The following PCDHGB1 variants were observed in gnomAD, a reference collection of about 807,000 sequenced individuals.
The protein encoded by PCDHGB1 is protocadherin gamma-B1.
PCDHGB1 carries 34 observed loss-of-function variants against 56.6 expected under a neutral mutation model. That is an observed-to-expected ratio of 0.60 (90% confidence interval 0.46 to 0.80). The LOEUF (loss-of-function observed/expected upper bound fraction) is 0.80, where lower values mean the gene tolerates loss of function less well. PCDHGB1 is among the 30% of genes least tolerant of loss of function. The probability of loss-of-function intolerance (pLI) is 0.00; values close to 1 mark genes in which losing one functional copy is unlikely to be tolerated. For missense variants in PCDHGB1, 1,278 were observed against 1,204.6 expected, an observed-to-expected ratio of 1.06 and a Z score of -0.90; for synonymous variants, 561 against 505.9, an observed-to-expected ratio of 1.11 and a Z score of -1.46.
chr5:141,361,581 C>T (rs1306719531), intron 1 of PCDHGB1: 2 of 1,614,056 alleles, frequency 1.2e-6, no homozygotes, highest in South Asian at 1.1e-5. Flanking sequence ...CTGACTTGGG[C>T]CCCAGTGGCC....
intron 1 of PCDHGB1, chr5:141,377,280 A>G (rs1773849718): frequency 6.6e-6 from 1 of 151,152 alleles, no homozygotes; most frequent in Non-Finnish European, 1.5e-5. Context: ...GGGAAAAAAA[A>G]TAACCTTAAT....
At chr5:141,383,665 C>T (rs1779352748) in intron 1 of PCDHGB1, 2 of 1,613,970 alleles carry the variant, frequency 1.2e-6, no homozygotes, top group Non-Finnish European at 1.7e-6. Flanking sequence ...CGAGAATGTG[C>T]CAGTGGGTAC....
chr5:141,430,632 C>T, intron 1 of PCDHGB1: 1 of 852,604 alleles, frequency 1.2e-6, no homozygotes, highest in Non-Finnish European at 1.7e-6. Flanking sequence ...AATGAACCAT[C>T]CCTGGGAGTA....
At chr5:141,411,134 G>A (rs1050594380) in intron 1 of PCDHGB1, 1 of 152,434 alleles carries the variant, frequency 6.6e-6, no homozygotes, top group Non-Finnish European at 1.5e-5. Context: ...ACAGGCGTGA[G>A]CCACAATATT....
intron 1 of PCDHGB1, chr5:141,375,745 C>T (rs753247365): frequency 2.5e-6 from 4 of 1,614,238 alleles, no homozygotes; most frequent in Admixed American, 3.3e-5. Context: ...TTGTGCTGGA[C>T]CAGAATGACA....
At chr5:141,354,926 CT>C (rs35040373) in intron 1 of PCDHGB1, 7 of 415,344 alleles carry the variant, frequency 1.7e-5, no homozygotes, top group South Asian at 1.1e-4. Flanking sequence ...AAAAAATAAA[CT>C]TTTTTTAACC....
intron 3 of PCDHGB1, among the ~76,000 whole-genome samples, chr5:141,509,450 C>A (rs2099876883): frequency 6.6e-6 from 1 of 152,128 alleles, no homozygotes; most frequent in Non-Finnish European, 1.5e-5. Context: ...CCTCTCCCAC[C>A]CCCGACCCAG....
chr5:141,366,550 T>C (rs780049739), intron 1 of PCDHGB1: 5 of 1,614,136 alleles, frequency 3.1e-6, no homozygotes, highest in African/African-American at 2.7e-5. Flanking sequence ...CCTCGCACTT[T>C]GTGGGCGTGG....
intron 1 of PCDHGB1, chr5:141,393,900 G>A (rs1048161107): frequency 3.7e-6 from 6 of 1,613,906 alleles, no homozygotes; most frequent in South Asian, 1.1e-5. Flanking sequence ...TTCTCTTCCC[G>A]GGACAGTAAT....
At chr5:141,361,587 T>A in intron 1 of PCDHGB1, 1 of 1,614,028 alleles carries the variant, frequency 6.2e-7, no homozygotes, top group Non-Finnish European at 8.5e-7. Context: ...TGGGCCCCAG[T>A]GGCCAAGTTT....
intron 1 of PCDHGB1, among the ~76,000 whole-genome samples, chr5:141,494,529 G>C (rs952931724): frequency 1.3e-5 from 2 of 152,132 alleles, no homozygotes; most frequent in African/African-American, 4.8e-5. Flanking sequence ...TCTGACTCTG[G>C]GGGCAGGGAG....
chr5:141,391,906 T>C (rs2092441756), intron 1 of PCDHGB1: 2 of 152,218 alleles, frequency 1.3e-5, no homozygotes, highest in Non-Finnish European at 2.9e-5. Flanking sequence ...GCTTTGCTTT[T>C]TATCATATAT....
intron 1 of PCDHGB1, chr5:141,367,404 G>C (rs919849034): frequency 1.3e-5 from 2 of 152,244 alleles, no homozygotes; most frequent in African/African-American, 4.8e-5. Flanking sequence ...GGGCGTGGTG[G>C]CAGGCGCCTG....
chr5:141,356,299 G>C (rs1226901970), intron 1 of PCDHGB1: 9 of 1,554,702 alleles, frequency 5.8e-6, no homozygotes, highest in Non-Finnish European at 7.0e-6. Flanking sequence ...TACAGTAATT[G>C]CACTTTTCAA....
intron 1 of PCDHGB1, chr5:141,423,830 G>A (rs527344048): frequency 5.5e-6 from 7 of 1,273,204 alleles, no homozygotes; most frequent in African/African-American, 3.1e-5. Flanking sequence ...CCTTTCATGA[G>A]ATTACGATAA....
chr5:141,458,694 C>T (rs905547768), intron 1 of PCDHGB1, among the ~76,000 whole-genome samples: 3 of 152,018 alleles, frequency 2.0e-5, no homozygotes, highest in Non-Finnish European at 2.9e-5. Flanking sequence ...CTCAGCCTCC[C>T]GAGTAGCTGG....
chr5:141,387,761 A>C lies in PCDHGB1; in HGVS notation c.2409+35092A>C, dbSNP rs539874780. The C allele has an allele frequency of 9.8e-5, 139 of 1,420,618 alleles. 1 individual carries two copies. The African/African-American group carries it at 1.7e-3, about 17-fold the overall frequency. The allele number at this position is 1,420,618 out of a possible 1,614,324, so 88.0% of individuals were successfully genotyped here. A position where few individuals can be genotyped will look rare whatever the true frequency, so the allele number is the denominator to read the frequency against. On this transcript the variant is annotated intron_variant, in intron 1 of 3. Transcript: ENST00000523390. ...ACACCGCTTCCTCCTCGGAAAAAGA[A>C]GAATTTTTTCTTGAACTGGAACTGC...
chr5:141,408,509 G>T, intron 1 of PCDHGB1: 1 of 1,614,048 alleles, frequency 6.2e-7, no homozygotes, highest in Non-Finnish European at 8.5e-7. Flanking sequence ...AAGAAGATGT[G>T]AGTTGCAATT....
intron 1 of PCDHGB1, chr5:141,385,577 T>C: frequency 1.6e-6 from 2 of 1,290,108 alleles, no homozygotes; most frequent in Non-Finnish European, 2.0e-6. Context: ...TACTTTCCAA[T>C]CTATGTTCCA....
Sources: gnomAD v4.1 joint callset for allele counts (sites outside exome capture counted in the v4.1 genomes callset) on GRCh38, gnomAD v4.1.1 for gene constraint, MANE v1.5 for transcripts, NCBI Gene and HGNC (gene_info 2026-07-23, HGNC 2026-07-21) for gene names.